CPSF7: variants seen among roughly 807,000 people sequenced by gnomAD.
The protein encoded by CPSF7 is cleavage and polyadenylation specificity factor subunit 7.
In CPSF7, 1 loss-of-function variant was observed where a neutral mutation model predicts 44.3. The ratio of observed to expected loss-of-function variants is 0.02; its 90% CI spans 0.01 to 0.11. The LOEUF (loss-of-function observed/expected upper bound fraction) is 0.11, where lower values mean the gene tolerates loss of function less well. CPSF7 is among the 10% of genes least tolerant of loss of function. The pLI, the probability that CPSF7 is intolerant of heterozygous loss-of-function variation, is 1.00. For synonymous variants in CPSF7, 202 were observed against 222.0 expected (o/e 0.91, Z 0.80); for missense variants, 443 against 607.2 (o/e 0.73, Z 2.84).
At chr11:61,419,754 A>G (rs1052387337) in intron 5 of CPSF7, among the ~76,000 whole-genome samples, 195 bp downstream of exon 5, 1 of 152,128 alleles carries the variant, frequency 6.6e-6, no homozygotes, top group South Asian at 2.1e-4. Flanking sequence ...CTCCCAGCAC[A>G]ATGCTCTTTC....
At chr11:61,428,881 G>A in intron 2 of CPSF7, 1 of 213,260 alleles carries the variant, frequency 4.7e-6, no homozygotes, top group Non-Finnish European at 9.4e-6. Flanking sequence ...TTTAAGTGTG[G>A]TTAGTCTGAC....
chr11:61,405,306 T>G (rs950837399), intron 9 of CPSF7, among the ~76,000 whole-genome samples: 6 of 152,176 alleles, frequency 3.9e-5, no homozygotes, highest in Non-Finnish European at 8.8e-5. Context: ...CCTTTATGAG[T>G]ATGTGTGTAC....
intron 7 of CPSF7, among the ~76,000 whole-genome samples, chr11:61,413,460 G>A (rs1479813182): frequency 6.6e-6 from 1 of 151,814 alleles, no homozygotes; most frequent in Non-Finnish European, 1.5e-5. Flanking sequence ...GTGAAACCCG[G>A]TCTCTACTAA....
chr11:61,429,733 C>A (rs1316508066), intron 1 of CPSF7, 181 bp downstream of exon 1: 2 of 1,542,858 alleles, frequency 1.3e-6, no homozygotes, highest in Admixed American at 3.9e-5. Context: ...CCAGCTAGGC[C>A]CGCCCCGCTC....
chr11:61,410,285 A>G (rs1859741177), intron 9 of CPSF7, among the ~76,000 whole-genome samples: 1 of 152,096 alleles, frequency 6.6e-6, no homozygotes, highest in African/African-American at 2.4e-5. Flanking sequence ...GGGTCTCCCT[A>G]TGTTGCCCAG....
chr11:61,410,795 G>T, intron 9 of CPSF7, 143 bp downstream of exon 9: 3 of 801,430 alleles, frequency 3.7e-6, no homozygotes, highest in African/African-American at 1.8e-5. Context: ...CAGAAAATCT[G>T]CCCTGAAATT....
chr11:61,407,008 C>T (rs996262060), intron 9 of CPSF7, among the ~76,000 whole-genome samples: 1 of 152,164 alleles, frequency 6.6e-6, no homozygotes, highest in South Asian at 2.1e-4. Context: ...TGAGCTCAAG[C>T]GATCTGCCCC....
intron 2 of CPSF7, among the ~76,000 whole-genome samples, chr11:61,423,625 A>G (rs571890346): frequency 6.6e-6 from 1 of 152,336 alleles, no homozygotes; most frequent in Admixed American, 6.5e-5. Context: ...TCATATTGCT[A>G]TTCTTTTAAA....
chr11:61,421,546 T>C lies in CPSF7; in HGVS notation c.117A>G (p.Ser39=). Residue 39 remains serine, a synonymous_variant, in exon 3 of 10, where the codon TCA becomes TCG. Coordinates refer to ENST00000439958, the MANE Select transcript of CPSF7 (RefSeq NM_001142565.3). ...DLYDDVLTAT[S]QPSDDRSSST... ...TGCTGCTTCTGTCATCTGAGGGCTG[T>C]GAGGTGGCTGTCAGCACATCATCAT... 1 of 1,614,076 alleles carries C rather than the reference T, an allele frequency of 6.2e-7. No homozygotes were observed. Among genetic ancestry groups the C allele is most frequent in the Non-Finnish European group, 8.5e-7 (1 of 1,180,028 alleles).
chr11:61,411,734 G>A, intron 8 of CPSF7, 35 bp downstream of exon 8: 1 of 1,587,568 alleles, frequency 6.3e-7, no homozygotes, highest in South Asian at 1.1e-5. Flanking sequence ...AGTGCTGCTT[G>A]GGGCTGGTAG....
intron 1 of CPSF7, 176 bp from the exon 2 acceptor site, chr11:61,429,466 C>T (rs1861731697): frequency 3.9e-6 from 2 of 515,606 alleles, no homozygotes; most frequent in East Asian, 3.5e-5. Flanking sequence ...CCCAGGCCGC[C>T]GGGGGTCGCT....
intron 9 of CPSF7, among the ~76,000 whole-genome samples, chr11:61,406,604 A>C (rs1405404518): frequency 6.6e-6 from 1 of 152,250 alleles, no homozygotes; most frequent in Non-Finnish European, 1.5e-5. Flanking sequence ...AACCTGCCTC[A>C]GAGTTAATTT....
intron 2 of CPSF7, chr11:61,427,304 CTAAAT>C (rs1861461018): frequency 2.0e-5 from 3 of 151,808 alleles, no homozygotes; most frequent in Non-Finnish European, 4.4e-5. Context: ...GATTTTGTAA[CTAAAT>C]TAACATCTAG....
intron 2 of CPSF7, among the ~76,000 whole-genome samples, chr11:61,421,840 G>A (rs1472172334): frequency 6.6e-6 from 1 of 152,100 alleles, no homozygotes; most frequent in African/African-American, 2.4e-5. Context: ...TAAAGTTTCT[G>A]GCTTTAGCCA....
rs115237410 is a variant in CPSF7 at position 61,429,310 on chromosome 11, G to A, written c.-55-20C>T. 3,796 of 1,471,428 alleles carry A rather than the reference G, an allele frequency of 2.6e-3. 94 individuals carry two copies. The African/African-American group carries it at 0.045, about 18-fold the overall frequency. 91.1% of individuals were successfully genotyped at this position (1,471,428 alleles called of 1,614,324 possible). A position where few individuals can be genotyped will look rare whatever the true frequency, so the allele number is the denominator to read the frequency against. On this transcript the variant is annotated intron_variant, in intron 1 of 9. Coordinates refer to ENST00000439958, the MANE Select transcript of CPSF7 (RefSeq NM_001142565.3). ...ATGCCACTGCGGGATTCGGAAAAAT[G>A]CAAGAATTAGAAGGCACGAGGGTCC...
chr11:61,411,982 TA>T, intron 7 of CPSF7, 45 bp from the exon 8 acceptor site: 1 of 1,559,120 alleles, frequency 6.4e-7, no homozygotes, highest in Non-Finnish European at 8.8e-7. Context: ...GGAGAGATGG[TA>T]AACTAACTGG....
At chr11:61,419,651 C>A (rs1860674089) in intron 5 of CPSF7, among the ~76,000 whole-genome samples, 1 of 152,156 alleles carries the variant, frequency 6.6e-6, no homozygotes, top group South Asian at 2.1e-4. Context: ...TGTCACTAGT[C>A]CAGATGGGGA....
chr11:61,427,462 G>A (rs1050750201), intron 2 of CPSF7: 1 of 152,016 alleles, frequency 6.6e-6, no homozygotes, highest in Non-Finnish European at 1.5e-5. Flanking sequence ...AGACCAACCT[G>A]GCCAACATGG....
rs937636613 is a variant in CPSF7, at chr11:61,403,362, C to T, written c.*1348G>A. 7.9e-5 allele frequency: 12 copies of T among 152,136 alleles called. No individual in the cohort carries two copies. The highest frequency in any genetic ancestry group is 2.7e-4 in the African/African-American group (11 of 41,422). 9.4% of individuals were successfully genotyped at this position (152,136 alleles called of 1,614,324 possible). A position where few individuals can be genotyped will look rare whatever the true frequency, so the allele number is the denominator to read the frequency against. On this transcript the variant is annotated 3_prime_UTR_variant, in exon 10 of 10. Coordinates refer to ENST00000439958, the MANE Select transcript of CPSF7 (RefSeq NM_001142565.3). ...AGAAGTAGCATCACCCCATGGGTACCGCAGGACCTCGCTGCTGCCTCCTCC... is the reference window on the plus strand; with the variant it reads ...AGAAGTAGCATCACCCCATGGGTACTGCAGGACCTCGCTGCTGCCTCCTCC...
Sources: gnomAD v4.1 joint callset for allele counts (sites outside exome capture counted in the v4.1 genomes callset) on GRCh38, gnomAD v4.1.1 for gene constraint, MANE v1.5 for transcripts, NCBI Gene and HGNC (gene_info 2026-07-23, HGNC 2026-07-21) for gene names.